Variants in LONRF2 observed in about 807,000 individuals in gnomAD.
LONRF2 encodes the protein LON peptidase N-terminal domain and ring finger 2.
In LONRF2, 35 loss-of-function variants were observed where a neutral mutation model predicts 66.6. That is an observed-to-expected ratio of 0.53 (90% confidence interval 0.40 to 0.70). The LOEUF (loss-of-function observed/expected upper bound fraction) is 0.70, where lower values mean the gene tolerates loss of function less well. LONRF2 is among the 30% of genes least tolerant of loss of function. The pLI, the probability that LONRF2 is intolerant of heterozygous loss-of-function variation, is 0.00. For synonymous variants in LONRF2, 417 were observed against 418.1 expected (o/e 1.00, Z 0.03); for missense variants, 902 against 1,002.1 (o/e 0.90, Z 1.35).
Position 100,321,427 on chromosome 2 carries a change from C to T in LONRF2, c.667G>A (p.Ala223Thr), listed in dbSNP as rs1361619916. Residue 223 changes from alanine to threonine, a missense_variant, in exon 1 of 12, where the codon GCC (alanine) becomes ACC (threonine). Transcript: ENST00000393437. ...PEAALLRCDQALELAPDDNSL... is the reference protein window; with the variant it reads ...PEAALLRCDQTLELAPDDNSL... The stretch of plus-strand genomic sequence containing the variant: ...GCAGCCGACTCACCCAGCTCCAGGG[C>T]CTGGTCGCACCTGAGCAGCGCGGCC... The T allele has an allele frequency of 6.8e-7, 1 of 1,480,864 alleles. No homozygotes were observed. Among genetic ancestry groups the T allele is most frequent in the Non-Finnish European group, 8.9e-7 (1 of 1,126,008 alleles). 91.7% of individuals were successfully genotyped at this position (1,480,864 alleles called of 1,614,324 possible).
intron 2 of LONRF2, among the ~76,000 whole-genome samples, chr2:100,308,352 G>T (rs1475818933): frequency 6.6e-6 from 1 of 152,102 alleles, no homozygotes; most frequent in Non-Finnish European, 1.5e-5. Context: ...AGATGGGAGG[G>T]AAAAAGGGCA....
In LONRF2 at chr2:100,273,806, T is replaced by A. The variant is rs1410435451; in HGVS notation, c.*10492A>T. On this transcript the variant is annotated 3_prime_UTR_variant, in exon 12 of 12. Transcript: ENST00000393437. ...TCAATTCCTAATTGGTAAAATCATTTCACAACTCTAAAATTAAGATGCTAA... is the reference window on the plus strand; with the variant it reads ...TCAATTCCTAATTGGTAAAATCATTACACAACTCTAAAATTAAGATGCTAA... The A allele has an allele frequency of 6.6e-6, 1 of 152,226 alleles. No homozygotes were observed. Among genetic ancestry groups the A allele is most frequent in the Non-Finnish European group, 1.5e-5 (1 of 68,042 alleles). 9.4% of individuals were successfully genotyped at this position (152,226 alleles called of 1,614,324 possible). A position where few individuals can be genotyped will look rare whatever the true frequency, so the allele number is the denominator to read the frequency against.
At chr2:100,297,959 A>C (rs189142178) in intron 7 of LONRF2, among the ~76,000 whole-genome samples, 46 of 151,194 alleles carry the variant, frequency 3.0e-4, no homozygotes, top group African/African-American at 1.1e-3. Context: ...AGATTTAAAA[A>C]ATAAATTTTA....
At chr2:100,285,988 G>A (rs959576284) in intron 11 of LONRF2, among the ~76,000 whole-genome samples, 1 of 152,146 alleles carries the variant, frequency 6.6e-6, no homozygotes, top group African/African-American at 2.4e-5. Flanking sequence ...CCTAATGCAA[G>A]TCAGTGTAAC....
At chr2:100,302,887 C>A in intron 3 of LONRF2, 34 bp downstream of exon 3, 1 of 1,537,246 alleles carries the variant, frequency 6.5e-7, no homozygotes, top group Non-Finnish European at 8.8e-7. Flanking sequence ...ATAAATAAGA[C>A]CTGATAGAGA....
Position 100,322,099 on chromosome 2 carries a change from C to A in LONRF2, c.-6G>T. The A allele has an allele frequency of 3.2e-6, 4 of 1,253,878 alleles. No homozygotes were observed. Among genetic ancestry groups the A allele is most frequent in the Non-Finnish European group, 4.0e-6 (4 of 1,001,180 alleles). The allele number at this position is 1,253,878 out of a possible 1,614,324, so 77.7% of individuals were successfully genotyped here. ...GGGACCGGCTCGGGGCTCATCACCGCGGGGCTGCGACGACGCGGGTCCGGA... is the reference window on the plus strand; with the variant it reads ...GGGACCGGCTCGGGGCTCATCACCGAGGGGCTGCGACGACGCGGGTCCGGA... On this transcript the variant is annotated 5_prime_UTR_variant, in exon 1 of 12. Coordinates refer to ENST00000393437, the MANE Select transcript of LONRF2 (RefSeq NM_198461.4).
rs1249293700 is a variant in LONRF2, at chr2:100,321,989, G to T, written c.105C>A (p.Arg35=). 7.5e-6 allele frequency: 11 copies of T among 1,462,718 alleles called. No homozygotes were observed. The highest frequency in any genetic ancestry group is 9.9e-6 in the Non-Finnish European group (11 of 1,108,860). 90.6% of individuals were successfully genotyped at this position (1,462,718 alleles called of 1,614,324 possible). ...CGGCTGCCATCTCGTAGTCGCCCGC[G>T]CGGAAGGCCTCGTCGCCCTCCTCTA... ...QRLEEGDEAF[R]AGDYEMAAEL... The change falls in exon 1 of 12, where the codon CGC becomes CGA. Residue 35 remains arginine, a synonymous_variant. Transcript: ENST00000393437.
chr2:100,316,621 C>A (rs1338749243), intron 1 of LONRF2, among the ~76,000 whole-genome samples: 1 of 151,586 alleles, frequency 6.6e-6, no homozygotes, highest in African/African-American at 2.4e-5. Context: ...CAACCACAGG[C>A]CAACTCCAAC....
Position 100,284,223 on chromosome 2 carries a change from A to G in LONRF2, c.*75T>C. ...CACAAGCACTTGATGAAGCACAATG[A>G]ATGGACGGCTATTCGTCCATGCCTG... On this transcript the variant is annotated 3_prime_UTR_variant, in exon 12 of 12. Transcript: ENST00000393437. 1 of 1,327,302 alleles carries G rather than the reference A, an allele frequency of 7.5e-7. No homozygotes were observed. 82.2% of individuals were successfully genotyped at this position (1,327,302 alleles called of 1,614,324 possible). A position where few individuals can be genotyped will look rare whatever the true frequency, so the allele number is the denominator to read the frequency against.
intron 2 of LONRF2, 117 bp from the exon 3 acceptor site, chr2:100,303,160 G>A: frequency 1.8e-6 from 2 of 1,095,100 alleles, no homozygotes; most frequent in Non-Finnish European, 2.5e-6. Context: ...ACATTACATA[G>A]AATAAACAAA....
chr2:100,319,361 T>C (rs904595140), intron 1 of LONRF2, among the ~76,000 whole-genome samples: 1 of 152,198 alleles, frequency 6.6e-6, no homozygotes, highest in Non-Finnish European at 1.5e-5. Flanking sequence ...TTAGGTCTAA[T>C]ATATATACAG....
Position 100,318,677 on chromosome 2 carries a change from A to C in LONRF2, c.679+2738T>G, listed in dbSNP as rs188469929. Reference sequence around the variant, plus strand: ...CACGTCTCTACTAAACACACACACAAAAAAAATACGAGGCATGGTGGTGCA... The same window carrying C: ...CACGTCTCTACTAAACACACACACACAAAAAATACGAGGCATGGTGGTGCA... On this transcript the variant is annotated intron_variant, in intron 1 of 11. Transcript: ENST00000393437. Among the ~76,000 whole-genome samples, 76 of 151,620 alleles carry C rather than the reference A, an allele frequency of 5.0e-4. 1 individual carries two copies. Among genetic ancestry groups the C allele is most frequent in the African/African-American group, 1.3e-3 (52 of 41,362 alleles).
intron 1 of LONRF2, among the ~76,000 whole-genome samples, chr2:100,315,885 G>A (rs537918387): frequency 6.6e-6 from 1 of 152,142 alleles, no homozygotes; most frequent in East Asian, 1.9e-4. Context: ...CTAGCATCTT[G>A]AAATGGAAGC....
At position 100,279,912 on chromosome 2, in the gene LONRF2, A is replaced by G. The variant is rs1174987344; in HGVS notation, c.*4386T>C. 1 of 152,124 alleles carries G rather than the reference A, an allele frequency of 6.6e-6. No individual in the cohort carries two copies. The highest frequency in any genetic ancestry group is 1.5e-5 in the Non-Finnish European group (1 of 68,116). 9.4% of individuals were successfully genotyped at this position (152,124 alleles called of 1,614,324 possible). A position where few individuals can be genotyped will look rare whatever the true frequency, so the allele number is the denominator to read the frequency against. ...TCACTCCTGCTTCTGCCTGTCTCCC[A>G]TGCTTCCCCTCATGGCCCGGTGTGG... On this transcript the variant is annotated 3_prime_UTR_variant, in exon 12 of 12. Transcript: ENST00000393437.
chr2:100,292,046 G>A (rs764829), intron 9 of LONRF2, among the ~76,000 whole-genome samples: 143,457 of 152,310 alleles, frequency 0.94, 67,637 homozygotes, highest in East Asian at 1. Flanking sequence ...TTTACTACAC[G>A]TCCCCCAAAC....
chr2:100,272,753 C>T lies in LONRF2; in HGVS notation c.*11545G>A, dbSNP rs554641579. On this transcript the variant is annotated 3_prime_UTR_variant, in exon 12 of 12. Coordinates refer to ENST00000393437, the MANE Select transcript of LONRF2 (RefSeq NM_198461.4). The stretch of plus-strand genomic sequence containing the variant: ...TTCCTTTTCTTAAGAAGCACTACCC[C>T]CTTCCTCCCAAATAAACAACTATAC... Among the ~76,000 whole-genome samples, 608 of 152,200 alleles carry T rather than the reference C, an allele frequency of 4.0e-3. 3 individuals are homozygous for T. The highest frequency in any genetic ancestry group is 5.4e-3 in the Non-Finnish European group (370 of 68,014).
chr2:100,320,208 G>GA (rs1326478934), intron 1 of LONRF2, among the ~76,000 whole-genome samples: 2 of 152,172 alleles, frequency 1.3e-5, no homozygotes, highest in Non-Finnish European at 2.9e-5. Flanking sequence ...GTAGCTACAA[G>GA]AAAATCCCAA....
Sources: allele counts gnomAD v4.1 joint callset (sites outside exome capture counted in the v4.1 genomes callset), GRCh38; gene constraint gnomAD v4.1.1; transcripts MANE v1.5; gene names NCBI Gene and HGNC (gene_info 2026-07-23, HGNC 2026-07-21).